The following AUH variants were observed in gnomAD, a reference collection of about 807,000 sequenced individuals.
The protein encoded by AUH is AU RNA binding methylglutaconyl-CoA hydratase.
AUH carries 29 observed loss-of-function variants against 42.3 expected under a neutral mutation model. The observed-to-expected ratio is 0.69, with a 90% CI of 0.51 to 0.93. The LOEUF (loss-of-function observed/expected upper bound fraction) is 0.93. AUH is among the 40% of genes least tolerant of loss of function. AUH has a pLI of 0.00. For missense variants in AUH, 452 were observed against 438.1 expected, an observed-to-expected ratio of 1.03 and a Z score of -0.28; for synonymous variants, 174 against 166.4, an observed-to-expected ratio of 1.05 and a Z score of -0.35.
In AUH at chr9:91,214,132, T is replaced by G. The variant is rs1826689368; in HGVS notation, c.*216A>C. On this transcript the variant is annotated 3_prime_UTR_variant, in exon 10 of 10. Transcript: ENST00000375731. ...CTAACTTTGATTCTGTTTCTGACTA[T>G]ACACTACTAGCTTTATAAATCTGAA... 1 of 518,544 alleles carries G rather than the reference T, an allele frequency of 1.9e-6. No homozygotes were observed. The highest frequency in any genetic ancestry group is 1.9e-5 in the African/African-American group (1 of 52,326). 32.1% of individuals were successfully genotyped at this position (518,544 alleles called of 1,614,324 possible). A position where few individuals can be genotyped will look rare whatever the true frequency, so the allele number is the denominator to read the frequency against.
chr9:91,300,693 A>G (rs903316029), intron 4 of AUH, among the ~76,000 whole-genome samples: 1 of 152,222 alleles, frequency 6.6e-6, no homozygotes, highest in African/African-American at 2.4e-5. Context: ...TGGCACAGGA[A>G]GGCACCTGGA....
chr9:91,346,253 T>C (rs1010152170), intron 3 of AUH, among the ~76,000 whole-genome samples: 18 of 152,068 alleles, frequency 1.2e-4, no homozygotes, highest in African/African-American at 4.3e-4. Context: ...ACCCACACCT[T>C]CAGGGAGTGA....
chr9:91,263,280 T>G (rs1392227526), intron 6 of AUH, among the ~76,000 whole-genome samples: 1 of 152,220 alleles, frequency 6.6e-6, no homozygotes, highest in Non-Finnish European at 1.5e-5. Flanking sequence ...GGGCTGAATT[T>G]CACACTTATT....
At chr9:91,260,643 G>T (rs1829660965) in intron 6 of AUH, among the ~76,000 whole-genome samples, 1 of 152,156 alleles carries the variant, frequency 6.6e-6, no homozygotes, top group Admixed American at 6.5e-5. Flanking sequence ...ATGTACAATA[G>T]AAGTCTTGCA....
At chr9:91,220,736 G>T in intron 7 of AUH, 69 bp downstream of exon 7, 2 of 1,551,146 alleles carry the variant, frequency 1.3e-6, no homozygotes, top group Non-Finnish European at 1.8e-6. Context: ...CAAGATGACT[G>T]CTGTTTTAGT....
At chr9:91,235,881 T>C (rs1828146935) in intron 6 of AUH, among the ~76,000 whole-genome samples, 2 of 152,154 alleles carry the variant, frequency 1.3e-5, no homozygotes, top group Admixed American at 6.5e-5. Context: ...CTTGTGACCA[T>C]GATGGAAGGT....
intron 6 of AUH, among the ~76,000 whole-genome samples, chr9:91,271,712 C>T (rs1344182412): frequency 6.6e-6 from 1 of 152,110 alleles, no homozygotes; most frequent in African/African-American, 2.4e-5. Flanking sequence ...AGAAGTTTCG[C>T]TTTTGTTGCC....
intron 6 of AUH, among the ~76,000 whole-genome samples, chr9:91,241,885 C>T (rs1828540878): frequency 6.6e-6 from 1 of 152,324 alleles, no homozygotes; most frequent in Admixed American, 6.5e-5. Flanking sequence ...ACCATGTAGT[C>T]TGTTTAAGAA....
chr9:91,338,046 T>C (rs1289445303), intron 3 of AUH, among the ~76,000 whole-genome samples: 1 of 152,150 alleles, frequency 6.6e-6, no homozygotes, highest in Non-Finnish European at 1.5e-5. Flanking sequence ...TCCAATTAAA[T>C]AAAAAATTTC....
At chr9:91,359,214 C>T (rs1404693532) in intron 1 of AUH, among the ~76,000 whole-genome samples, 1 of 152,166 alleles carries the variant, frequency 6.6e-6, no homozygotes, top group Admixed American at 6.5e-5. Context: ...AAACAAAATA[C>T]GTTCTGCTTA....
At chr9:91,296,102 G>A in intron 5 of AUH, 25 bp from the exon 6 acceptor site, 1 of 1,608,792 alleles carries the variant, frequency 6.2e-7, no homozygotes, top group Non-Finnish European at 8.5e-7. Context: ...AGAAAATTAA[G>A]TATCATCCAT....
chr9:91,342,874 A>T (rs2080752168), intron 3 of AUH: 1 of 152,458 alleles, frequency 6.6e-6, no homozygotes, highest in Non-Finnish European at 1.5e-5. Context: ...AGACAGCAAG[A>T]CAACCCCTCC....
At chr9:91,274,313 A>G (rs1297964831) in intron 6 of AUH, among the ~76,000 whole-genome samples, 1 of 152,228 alleles carries the variant, frequency 6.6e-6, no homozygotes, top group Non-Finnish European at 1.5e-5. Flanking sequence ...TACAGTAGTC[A>G]ATCAAATGAA....
chr9:91,290,074 G>T (rs1826734109), intron 6 of AUH, among the ~76,000 whole-genome samples: 1 of 152,092 alleles, frequency 6.6e-6, no homozygotes, highest in Admixed American at 6.5e-5. Flanking sequence ...GAACTTGAAA[G>T]CTTCATGGTA....
At chr9:91,275,116 T>C (rs577975137) in intron 6 of AUH, among the ~76,000 whole-genome samples, 1 of 152,336 alleles carries the variant, frequency 6.6e-6, no homozygotes, top group Non-Finnish European at 1.5e-5. Flanking sequence ...CAAAGCCTTC[T>C]ACATGTATTC....
chr9:91,331,846 G>C (rs993671723), intron 3 of AUH, among the ~76,000 whole-genome samples: 2 of 152,166 alleles, frequency 1.3e-5, no homozygotes, highest in African/African-American at 2.4e-5. Context: ...ATGATGTCTA[G>C]CTTCCTTGGC....
At chr9:91,300,092 G>A (rs1425746349) in intron 4 of AUH, among the ~76,000 whole-genome samples, 1 of 150,964 alleles carries the variant, frequency 6.6e-6, no homozygotes, top group East Asian at 1.9e-4. Flanking sequence ...CAAAAGATCA[G>A]AGACATCCAT....
At chr9:91,283,269 T>C (rs1182902102) in intron 6 of AUH, among the ~76,000 whole-genome samples, 1 of 152,184 alleles carries the variant, frequency 6.6e-6, no homozygotes, top group Non-Finnish European at 1.5e-5. Context: ...ACAACCTTCA[T>C]GCTAAAAACT....
At chr9:91,344,735 C>T (rs563820451) in intron 3 of AUH, among the ~76,000 whole-genome samples, 1 of 152,218 alleles carries the variant, frequency 6.6e-6, no homozygotes, top group South Asian at 2.1e-4. Context: ...TTTTATGAGA[C>T]CAGCACTATC....
Sources: gnomAD v4.1 joint callset for allele counts (sites outside exome capture counted in the v4.1 genomes callset) on GRCh38, gnomAD v4.1.1 for gene constraint, MANE v1.5 for transcripts, NCBI Gene and HGNC (gene_info 2026-07-23, HGNC 2026-07-21) for gene names.